The following CNBD1 variants were observed in gnomAD, a reference collection of about 807,000 sequenced individuals.
CNBD1 encodes the protein cyclic nucleotide binding domain containing 1, also known as cyclic nucleotide-binding domain-containing protein 1.
Under a neutral mutation model 54.4 loss-of-function variants are expected in CNBD1, and 71 were observed. The ratio of observed to expected loss-of-function variants is 1.30; its 90% CI spans 1.08 to 1.59. The LOEUF (loss-of-function observed/expected upper bound fraction) is 1.59. CNBD1 is among the 40% of genes most tolerant of loss of function. The pLI is 0.00. For missense variants in CNBD1, 659 were observed against 518.0 expected, an observed-to-expected ratio of 1.27 and a Z score of -2.64; for synonymous variants, 182 against 170.7, an observed-to-expected ratio of 1.07 and a Z score of -0.51.
intron 10 of CNBD1, among the ~76,000 whole-genome samples, chr8:87,381,377 G>T (rs903292743): frequency 1.6e-4 from 25 of 151,932 alleles, no homozygotes; most frequent in Admixed American, 1.6e-3. Flanking sequence ...AAACACAAAA[G>T]AGAAGTGTTG....
chr8:87,241,268 A>ATTT (rs34829455), intron 6 of CNBD1, among the ~76,000 whole-genome samples: 1,010 of 93,810 alleles, frequency 0.011, 17 homozygotes, highest in African/African-American at 0.012. Flanking sequence ...TATTTGGAAG[A>ATTT]TTTTTTTTTT....
chr8:87,370,014 G>A (rs1052921549), intron 10 of CNBD1, among the ~76,000 whole-genome samples: 2 of 151,986 alleles, frequency 1.3e-5, no homozygotes, highest in Non-Finnish European at 2.9e-5. Flanking sequence ...TACTGAGAAT[G>A]ATGATTTCCG....
chr8:86,985,231 A>C (rs1454425490), intron 4 of CNBD1, among the ~76,000 whole-genome samples: 1 of 152,140 alleles, frequency 6.6e-6, no homozygotes, highest in Non-Finnish European at 1.5e-5. Flanking sequence ...GTGGAACTTT[A>C]AGTCCATTAA....
intron 4 of CNBD1, among the ~76,000 whole-genome samples, chr8:87,128,995 G>A (rs1426752954): frequency 2.8e-5 from 4 of 141,394 alleles, no homozygotes; most frequent in Admixed American, 7.6e-5. Flanking sequence ...GCTTGAGCCC[G>A]GGAGACTGAG....
intron 4 of CNBD1, among the ~76,000 whole-genome samples, chr8:87,135,252 A>T (rs1291761417): frequency 6.6e-6 from 1 of 151,602 alleles, no homozygotes; most frequent in African/African-American, 2.4e-5. Context: ...GATGGTAATG[A>T]ATATATATAT....
chr8:87,008,600 G>A (rs1020240840), intron 4 of CNBD1, among the ~76,000 whole-genome samples: 3 of 152,244 alleles, frequency 2.0e-5, no homozygotes, highest in African/African-American at 7.2e-5. Flanking sequence ...TGAGTGAAAG[G>A]TTTTGCTACA....
chr8:87,318,742 G>T (rs531891965), intron 8 of CNBD1, among the ~76,000 whole-genome samples: 1 of 152,122 alleles, frequency 6.6e-6, no homozygotes, highest in South Asian at 2.1e-4. Flanking sequence ...AATAAATATA[G>T]AAATTGACAC....
At chr8:86,955,293 A>G (rs1234208024) in intron 4 of CNBD1, among the ~76,000 whole-genome samples, 1 of 152,186 alleles carries the variant, frequency 6.6e-6, no homozygotes, top group Non-Finnish European at 1.5e-5. Flanking sequence ...CAAAAAACAT[A>G]CGTGTGCATG....
At chr8:87,226,411 A>C (rs1344577677) in intron 5 of CNBD1, among the ~76,000 whole-genome samples, 1 of 149,452 alleles carries the variant, frequency 6.7e-6, no homozygotes. Flanking sequence ...CACTGCTTTG[A>C]ATGCGTCCCA....
chr8:87,194,081 T>C (rs975049356), intron 4 of CNBD1, among the ~76,000 whole-genome samples: 4 of 152,138 alleles, frequency 2.6e-5, no homozygotes, highest in African/African-American at 9.7e-5. Flanking sequence ...AGCCTTATTG[T>C]GAACTGCTTA....
chr8:87,191,737 A>C (rs544151683), intron 4 of CNBD1, among the ~76,000 whole-genome samples: 1 of 152,268 alleles, frequency 6.6e-6, no homozygotes, highest in African/African-American at 2.4e-5. Flanking sequence ...AGAAATGCCT[A>C]TCAAGAAACA....
chr8:87,224,892 A>C (rs367767296), intron 5 of CNBD1, among the ~76,000 whole-genome samples: 172 of 152,132 alleles, frequency 1.1e-3, no homozygotes, highest in Non-Finnish European at 2.1e-3. Context: ...ATGTTCTTCC[A>C]TTTGTTTGTA....
At chr8:87,039,747 A>G (rs546564531) in intron 4 of CNBD1, among the ~76,000 whole-genome samples, 27 of 152,254 alleles carry the variant, frequency 1.8e-4, no homozygotes, top group African/African-American at 5.8e-4. Context: ...TTTTAAGGAC[A>G]ATTTGTTGGA....
At chr8:87,412,197 G>A (rs1807757564) in intron 2 of CNBD1, among the ~76,000 whole-genome samples, 2 of 151,968 alleles carry the variant, frequency 1.3e-5, no homozygotes, top group Admixed American at 1.3e-4. Flanking sequence ...CTTGGAAAAT[G>A]CTAATCATTT....
chr8:87,064,232 A>G (rs1218466207), intron 4 of CNBD1, among the ~76,000 whole-genome samples: 1 of 152,022 alleles, frequency 6.6e-6, no homozygotes, highest in Non-Finnish European at 1.5e-5. Flanking sequence ...TATTCCTAAC[A>G]TATCTGATTT....
intron 8 of CNBD1, among the ~76,000 whole-genome samples, chr8:87,339,720 T>C (rs185511280): frequency 6.6e-6 from 1 of 152,194 alleles, no homozygotes; most frequent in Admixed American, 6.5e-5. Flanking sequence ...GGGGCTTACA[T>C]AAAACACCTT....
intron 4 of CNBD1, among the ~76,000 whole-genome samples, chr8:87,138,746 C>T (rs1812311586): frequency 6.6e-6 from 1 of 152,108 alleles, no homozygotes; most frequent in Non-Finnish European, 1.5e-5. Flanking sequence ...GGACTGTTGT[C>T]CACTGAACTA....
At chr8:87,423,671 G>T (rs1179353899) in intron 2 of CNBD1, among the ~76,000 whole-genome samples, 2 of 149,020 alleles carry the variant, frequency 1.3e-5, no homozygotes, top group East Asian at 3.9e-4. Flanking sequence ...TGCTGGATTC[G>T]GTTTGCCAGT....
downstream of CNBD1, among the ~76,000 whole-genome samples, chr8:87,385,339 G>T (rs1399242480): frequency 6.6e-6 from 1 of 151,852 alleles, no homozygotes; most frequent in South Asian, 2.1e-4. Flanking sequence ...CACCCGGGAA[G>T]GGCAGAGTCA....
Sources: allele counts gnomAD v4.1 joint callset (sites outside exome capture counted in the v4.1 genomes callset), GRCh38; gene constraint gnomAD v4.1.1; transcripts MANE v1.5; gene names NCBI Gene and HGNC (gene_info 2026-07-23, HGNC 2026-07-21).